The following CNTN5 variants were observed in gnomAD, a reference collection of about 807,000 sequenced individuals.
CNTN5 encodes the protein contactin 5, also known as contactin-5.
CNTN5 carries 77 observed loss-of-function variants against 129.1 expected under a neutral mutation model. The observed-to-expected ratio is 0.60, with a 90% confidence interval of 0.50 to 0.72. The LOEUF (loss-of-function observed/expected upper bound fraction) is 0.72. Ranked by LOEUF, CNTN5 falls within the 30% of genes least tolerant of loss-of-function variation. The pLI is 0.00. For synonymous variants in CNTN5, 509 were observed against 465.6 expected (o/e 1.09, Z -1.20); for missense variants, 1,478 against 1,328.8 (o/e 1.11, Z -1.75).
chr11:99,740,962 T>C (rs1236700072), intron 3 of CNTN5, among the ~76,000 whole-genome samples: 1 of 152,210 alleles, frequency 6.6e-6, no homozygotes, highest in Non-Finnish European at 1.5e-5. Flanking sequence ...ATTACTACTA[T>C]TTATTTTTGC....
At chr11:99,128,207 C>T (rs1858743910) in intron 1 of CNTN5, among the ~76,000 whole-genome samples, 1 of 152,158 alleles carries the variant, frequency 6.6e-6, no homozygotes, top group African/African-American at 2.4e-5. Context: ...TCCCTGCTGG[C>T]CAGCACAGCA....
chr11:100,072,989 G>GAAAAAAAAAAAA (rs1943983679), intron 12 of CNTN5, among the ~76,000 whole-genome samples: 2 of 17,994 alleles, frequency 1.1e-4, no homozygotes, highest in African/African-American at 3.6e-4. Context: ...TTCCCAGGAG[G>GAAAAAAAAAAAA]CAAAAAAAAA....
chr11:99,545,439 T>A (rs1294268560), intron 2 of CNTN5, among the ~76,000 whole-genome samples: 3 of 152,174 alleles, frequency 2.0e-5, no homozygotes, highest in Non-Finnish European at 2.9e-5. Context: ...GCATAATTAC[T>A]CTTACTTAAC....
intron 1 of CNTN5, among the ~76,000 whole-genome samples, chr11:99,064,972 C>A (rs1322920521): frequency 6.6e-6 from 1 of 151,654 alleles, no homozygotes; most frequent in African/African-American, 2.4e-5. Context: ...AAAAAGTATT[C>A]TTTTTTAACT....
chr11:99,358,394 T>G (rs1938862334), intron 2 of CNTN5, among the ~76,000 whole-genome samples: 1 of 123,772 alleles, frequency 8.1e-6, no homozygotes, highest in Non-Finnish European at 1.7e-5. Flanking sequence ...GCCGAAACCC[T>G]GTCTCTACTA....
At chr11:99,205,511 C>G (rs1002565733) in intron 1 of CNTN5, among the ~76,000 whole-genome samples, 1 of 152,112 alleles carries the variant, frequency 6.6e-6, no homozygotes, top group African/African-American at 2.4e-5. Context: ...CAAATTACTT[C>G]CAAAGAAAAT....
chr11:100,341,978 CATT>C (rs1408384890), intron 23 of CNTN5, among the ~76,000 whole-genome samples: 1 of 151,378 alleles, frequency 6.6e-6, no homozygotes, highest in East Asian at 1.9e-4. Context: ...TGAAAGCTAT[CATT>C]ATAGGTGGGT....
At chr11:99,857,039 TCTCTCTCCCTCCCTCC>T (rs962583884) in intron 6 of CNTN5, among the ~76,000 whole-genome samples, 58 of 149,610 alleles carry the variant, frequency 3.9e-4, no homozygotes, top group African/African-American at 8.0e-4. Context: ...TATCTCCCTC[TCTCTCTCCCTCCCTCC>T]CTCTCTCCCT....
intron 6 of CNTN5, among the ~76,000 whole-genome samples, chr11:99,911,738 TAAAA>T (rs34582552): frequency 3.4e-5 from 5 of 146,900 alleles, no homozygotes; most frequent in Non-Finnish European, 1.5e-5. Flanking sequence ...CTCAGGAGGT[TAAAA>T]AAAAAAAAAA....
intron 1 of CNTN5, among the ~76,000 whole-genome samples, chr11:99,067,567 A>G (rs1351720270): frequency 1.3e-5 from 2 of 152,214 alleles, no homozygotes; most frequent in Admixed American, 1.3e-4. Context: ...CAGTAAGAAT[A>G]AATGGTATGG....
rs1458461024 is a variant in CNTN5, at chr11:99,663,709, T to C, written c.55+107440T>C. Among the ~76,000 whole-genome samples, 2 of 152,108 alleles carry C rather than the reference T, an allele frequency of 1.3e-5. 1 individual carries two copies. Among genetic ancestry groups the C allele is most frequent in the Non-Finnish European group, 2.9e-5 (2 of 68,018 alleles). On this transcript the variant is annotated intron_variant, in intron 3 of 24. Transcript: ENST00000524871. ...GAGCTCTTACCCCTTTGCTCTTTGC[T>C]CTTTCTCTCAATTGCCACCGTGTAA...
At chr11:99,466,194 A>G (rs930391214) in intron 2 of CNTN5, among the ~76,000 whole-genome samples, 3 of 152,020 alleles carry the variant, frequency 2.0e-5, no homozygotes, top group Non-Finnish European at 4.4e-5. Context: ...TGTCACTTTT[A>G]AACAACCATA....
intron 3 of CNTN5, among the ~76,000 whole-genome samples, chr11:99,738,616 CGTGTGTGT>C (rs113729274): frequency 2.8e-5 from 4 of 143,318 alleles, no homozygotes; most frequent in South Asian, 2.3e-4. Context: ...AAGACAGTAA[CGTGTGTGT>C]GTGTGTGTGT....
At chr11:99,836,420 G>C (rs1313100162) in intron 4 of CNTN5, among the ~76,000 whole-genome samples, 1 of 151,504 alleles carries the variant, frequency 6.6e-6, no homozygotes, top group Admixed American at 6.6e-5. Context: ...GCGATAGTTT[G>C]CTGAGAATGA....
chr11:99,774,472 T>C (rs1167666155), intron 3 of CNTN5, among the ~76,000 whole-genome samples: 2 of 146,636 alleles, frequency 1.4e-5, no homozygotes, highest in African/African-American at 4.9e-5. Context: ...GCCCAATTTT[T>C]TTAAGAAATT....
chr11:99,331,569 T>C (rs1866000568), intron 2 of CNTN5, among the ~76,000 whole-genome samples: 1 of 152,152 alleles, frequency 6.6e-6, no homozygotes, highest in Admixed American at 6.6e-5. Context: ...CCTTGGTGCC[T>C]AGACTTTTAA....
intron 3 of CNTN5, among the ~76,000 whole-genome samples, chr11:99,571,256 T>C (rs890276387): frequency 3.9e-5 from 6 of 152,306 alleles, no homozygotes; most frequent in African/African-American, 1.4e-4. Flanking sequence ...TCAATGGCTA[T>C]TTGTTAGCTT....
chr11:100,207,573 G>T (rs1299625087), intron 15 of CNTN5, among the ~76,000 whole-genome samples: 4 of 151,946 alleles, frequency 2.6e-5, no homozygotes, highest in African/African-American at 7.3e-5. Flanking sequence ...ACTACTGATA[G>T]CCCCATAAAT....
chr11:99,544,063 G>A (rs1948206487), intron 2 of CNTN5, among the ~76,000 whole-genome samples: 1 of 152,038 alleles, frequency 6.6e-6, no homozygotes, highest in Admixed American at 6.6e-5. Flanking sequence ...CATAAAGAAA[G>A]GGGTTTAATT....
Sources: gnomAD v4.1 joint callset for allele counts (sites outside exome capture counted in the v4.1 genomes callset) on GRCh38, gnomAD v4.1.1 for gene constraint, MANE v1.5 for transcripts, NCBI Gene and HGNC (gene_info 2026-07-23, HGNC 2026-07-21) for gene names.